The following GTF2H5 variants were observed in gnomAD, a reference collection of about 807,000 sequenced individuals.
GTF2H5 encodes general transcription factor IIH subunit 5.
GTF2H5 carries 5 observed loss-of-function variants against 7.1 expected under a neutral mutation model. The observed-to-expected ratio is 0.71, with a 90% CI of 0.37 to 1.49. GTF2H5 has a LOEUF of 1.49. Ranked by LOEUF, GTF2H5 falls within the 40% of genes most tolerant of loss-of-function variation. The pLI, the probability that GTF2H5 is intolerant of heterozygous loss-of-function variation, is 0.03. For synonymous variants in GTF2H5, 30 were observed against 31.7 expected, an observed-to-expected ratio of 0.95 and a Z score of 0.18; for missense variants, 80 against 83.0, an observed-to-expected ratio of 0.96 and a Z score of 0.14.
chr6:158,186,028 G>A (rs1395970534), intron 2 of GTF2H5, among the ~76,000 whole-genome samples: 1 of 152,084 alleles, frequency 6.6e-6, no homozygotes, highest in Non-Finnish European at 1.5e-5. Context: ...TTTTTTATAT[G>A]ACCAGTTTAA....
chr6:158,169,359 C>T (rs1406820303), intron 1 of GTF2H5, among the ~76,000 whole-genome samples: 44 of 66,256 alleles, frequency 6.6e-4, no homozygotes, highest in East Asian at 1.5e-3. Context: ...ATATATAATA[C>T]ATATATATAA....
chr6:158,172,117 C>G (rs543690011), intron 2 of GTF2H5, among the ~76,000 whole-genome samples: 1 of 152,058 alleles, frequency 6.6e-6, no homozygotes, highest in Non-Finnish European at 1.5e-5. Flanking sequence ...ATATTCACTT[C>G]TCTCTTCTGA....
chr6:158,169,194 A>G (rs1289340434), intron 1 of GTF2H5, among the ~76,000 whole-genome samples: 3 of 146,500 alleles, frequency 2.0e-5, no homozygotes, highest in Non-Finnish European at 3.0e-5. Flanking sequence ...ACATCACGAC[A>G]CTGCGCTCCA....
intron 2 of GTF2H5, chr6:158,190,851 CATT>C (rs1777014951): frequency 4.3e-6 from 2 of 461,038 alleles, no homozygotes; most frequent in East Asian, 1.1e-4. Flanking sequence ...TTGCTAAACA[CATT>C]GTGTATTAGA....
At position 158,169,639 on chromosome 6, in the gene GTF2H5, ATATAT is replaced by A. The variant is rs1461748743; in HGVS notation, c.-34-829_-34-825del. Reference sequence around the variant, plus strand: ...TTACATATAATATATTGTATATTACATATATTGTATATTACATATAATATATTGTA... The same window carrying A: ...TTACATATAATATATTGTATATTACATGTATATTACATATAATATATTGTA... On this transcript the variant is annotated intron_variant, in intron 1 of 2. Transcript: ENST00000607778. Among the ~76,000 whole-genome samples, 6 of 47,284 alleles carry A rather than the reference ATATAT, an allele frequency of 1.3e-4. 1 individual carries two copies. The highest frequency in any genetic ancestry group is 1.9e-4 in the Non-Finnish European group (6 of 31,594). The allele number at this position is 47,284 out of a possible 152,430, so 31.0% of individuals were successfully genotyped here.
intron 1 of GTF2H5, among the ~76,000 whole-genome samples, chr6:158,169,549 C>CAGTATATTATATATGATATAT (rs1319877644): frequency 1.9e-5 from 1 of 52,620 alleles, no homozygotes; most frequent in African/African-American, 7.9e-5. Flanking sequence ...ATATAATATA[C>CAGTATATTATATATGATATAT]TGTATATTAT....
At position 158,195,840 on chromosome 6, in the gene GTF2H5, A is replaced by G. The variant is rs1229195945; in HGVS notation, c.*3683A>G. 6.6e-6 allele frequency: 1 copy of G among 152,250 alleles called. No individual in the cohort carries two copies. The highest frequency in any genetic ancestry group is 1.5e-5 in the Non-Finnish European group (1 of 68,044). 9.4% of individuals were successfully genotyped at this position (152,250 alleles called of 1,614,324 possible). A position where few individuals can be genotyped will look rare whatever the true frequency, so the allele number is the denominator to read the frequency against. The stretch of plus-strand genomic sequence containing the variant: ...GGTATATTTTAAAGATGGAGAAATG[A>G]TGCAGTTTGCAAATATAGTCAATAA... On this transcript the variant is annotated 3_prime_UTR_variant, in exon 3 of 3. Coordinates refer to ENST00000607778, the MANE Select transcript of GTF2H5 (RefSeq NM_207118.3).
intron 2 of GTF2H5, among the ~76,000 whole-genome samples, chr6:158,186,682 G>C (rs572729243): frequency 5.9e-5 from 9 of 152,264 alleles, no homozygotes; most frequent in Non-Finnish European, 8.8e-5. Flanking sequence ...CTACAGCTTG[G>C]TTTTACACAT....
rs1021921268 is a variant in GTF2H5, at chr6:158,199,334, T to TA, written c.*7184dup. 1.3e-5 allele frequency: 2 copies of TA among 152,244 alleles called. No homozygotes were observed. Among genetic ancestry groups the TA allele is most frequent in the Non-Finnish European group, 2.9e-5 (2 of 68,010 alleles). The allele number at this position is 152,244 out of a possible 1,614,324, so 9.4% of individuals were successfully genotyped here. A position where few individuals can be genotyped will look rare whatever the true frequency, so the allele number is the denominator to read the frequency against. ...CCCCCTGAGTCTAAAATAAAAATTTTAAAAAAACTATATCTGTCACAGCCT... is the reference window on the plus strand; with the variant it reads ...CCCCCTGAGTCTAAAATAAAAATTTTAAAAAAAACTATATCTGTCACAGCCT... On this transcript the variant is annotated 3_prime_UTR_variant, in exon 3 of 3. Transcript: ENST00000607778.
chr6:158,192,229 T>C lies in GTF2H5; in HGVS notation c.*72T>C. On this transcript the variant is annotated 3_prime_UTR_variant, in exon 3 of 3. Coordinates refer to ENST00000607778, the MANE Select transcript of GTF2H5 (RefSeq NM_207118.3). The stretch of plus-strand genomic sequence containing the variant: ...AAGACTTGCCACTCAATATCTTAGG[T>C]GACTGATTAGACATAGAGGGTTGTT... 8.6e-7 allele frequency: 1 copy of C among 1,169,436 alleles called. No homozygotes were observed. The highest frequency in any genetic ancestry group is 1.2e-5 in the South Asian group (1 of 80,744). 72.4% of individuals were successfully genotyped at this position (1,169,436 alleles called of 1,614,324 possible).
intron 1 of GTF2H5, 30 bp downstream of exon 1, chr6:158,168,425 A>C (rs1010820142): frequency 1.3e-5 from 2 of 152,280 alleles, no homozygotes; most frequent in African/African-American, 4.8e-5. Context: ...GCGGCTGGGG[A>C]AAGTGGGGTG....
Position 158,196,379 on chromosome 6 carries a change from T to A in GTF2H5, c.*4222T>A. On this transcript the variant is annotated 3_prime_UTR_variant, in exon 3 of 3. Transcript: ENST00000607778. Reference sequence around the variant, plus strand: ...TTACTAGCTCTGGGATCTCAGATGTTTCGTTGATTGGATTTCTTTGTGCTC... The same window carrying A: ...TTACTAGCTCTGGGATCTCAGATGTATCGTTGATTGGATTTCTTTGTGCTC... 6.6e-6 allele frequency: 1 copy of A among 152,234 alleles called. No homozygotes were observed. The highest frequency in any genetic ancestry group is 1.9e-4 in the East Asian group (1 of 5,204). The allele number at this position is 152,234 out of a possible 1,614,324, so 9.4% of individuals were successfully genotyped here.
At chr6:158,176,047 T>C (rs986709537) in intron 2 of GTF2H5, among the ~76,000 whole-genome samples, 7 of 152,204 alleles carry the variant, frequency 4.6e-5, no homozygotes, top group Admixed American at 4.6e-4. Context: ...TTGAGGTAAG[T>C]GCTGTCATCT....
rs1187068824 is a variant in GTF2H5, at chr6:158,169,772, A to ATATTATATATAATATATTGTATATT, written c.-34-698_-34-697insTATTATATATAATATATTGTATATT. Among the ~76,000 whole-genome samples the ATATTATATATAATATATTGTATATT allele has an allele frequency of 1.2e-3, 63 of 53,870 alleles. 7 individuals are homozygous for ATATTATATATAATATATTGTATATT. Among genetic ancestry groups the ATATTATATATAATATATTGTATATT allele is most frequent in the Admixed American group, 3.9e-3 (10 of 2,588 alleles). The allele number at this position is 53,870 out of a possible 152,430, so 35.3% of individuals were successfully genotyped here. On this transcript the variant is annotated intron_variant, in intron 1 of 2. Transcript: ENST00000607778. ...ATATAATATATTGTATATTATATAT[A>ATATTATATATAATATATTGTATATT]ATATATTGTATATTATATATTATAT... is the stretch of plus-strand genomic sequence containing the variant.
In GTF2H5 at chr6:158,175,044, G is replaced by GTGTGTGTGTGTATGTGTGTGTGTGTGTA; in HGVS notation, c.35+4507_35+4508insGTGTGTGTGTATGTGTGTGTGTGTGTAT. 1.5e-3 allele frequency among the ~76,000 whole-genome samples: 219 copies of GTGTGTGTGTGTATGTGTGTGTGTGTGTA among 142,838 alleles called. 1 individual carries two copies. The highest frequency in any genetic ancestry group is 5.5e-3 in the African/African-American group (207 of 37,592). The allele number at this position is 142,838 out of a possible 152,430, so 93.7% of individuals were successfully genotyped here. On this transcript the variant is annotated intron_variant, in intron 2 of 2. Coordinates refer to ENST00000607778, the MANE Select transcript of GTF2H5 (RefSeq NM_207118.3). ...TGTGTGTGTGTGTGTGTGTGTGTGT[G>GTGTGTGTGTGTATGTGTGTGTGTGTGTA]TATACACACACACACACATACACAT...
intron 1 of GTF2H5, among the ~76,000 whole-genome samples, chr6:158,169,514 T>TTA (rs1164878640): frequency 1.4e-4 from 10 of 74,066 alleles, no homozygotes; most frequent in East Asian, 4.1e-4. Flanking sequence ...ATATTGTATA[T>TTA]TATATATAAT....
intron 2 of GTF2H5, among the ~76,000 whole-genome samples, chr6:158,175,454 C>T (rs746535405): frequency 4.6e-5 from 7 of 152,160 alleles, no homozygotes; most frequent in African/African-American, 1.4e-4. Context: ...ACAATAACTC[C>T]GTTTCTATAA....
intron 2 of GTF2H5, among the ~76,000 whole-genome samples, chr6:158,174,024 C>T (rs1460760113): frequency 6.6e-6 from 1 of 152,112 alleles, no homozygotes; most frequent in African/African-American, 2.4e-5. Flanking sequence ...CGTGCGCATG[C>T]ATTATGATTT....
At chr6:158,172,939 G>A (rs554255888) in intron 2 of GTF2H5, among the ~76,000 whole-genome samples, 1 of 152,228 alleles carries the variant, frequency 6.6e-6, no homozygotes, top group East Asian at 1.9e-4. Flanking sequence ...TTGCTGTCCC[G>A]TATCTAACCT....
Sources: gnomAD v4.1 joint callset for allele counts (sites outside exome capture counted in the v4.1 genomes callset) on GRCh38, gnomAD v4.1.1 for gene constraint, MANE v1.5 for transcripts, NCBI Gene and HGNC (gene_info 2026-07-23, HGNC 2026-07-21) for gene names.